The following DENND1B variants were observed in gnomAD, a reference collection of about 807,000 sequenced individuals.
The protein encoded by DENND1B is DENN domain-containing protein 1B.
Under a neutral mutation model 90.1 loss-of-function variants are expected in DENND1B, and 59 were observed. That is an observed-to-expected ratio of 0.65 (90% confidence interval 0.53 to 0.81). DENND1B has a LOEUF of 0.81. DENND1B is among the 40% of genes least tolerant of loss of function. DENND1B has a pLI of 0.00. For synonymous variants in DENND1B, 337 were observed against 324.6 expected (o/e 1.04, Z -0.41); for missense variants, 862 against 912.6 (o/e 0.94, Z 0.71).
chr1:197,665,842 G>GA (rs925756774), intron 5 of DENND1B, among the ~76,000 whole-genome samples: 6 of 151,826 alleles, frequency 4.0e-5, no homozygotes, highest in Non-Finnish European at 5.9e-5. Flanking sequence ...TATCACAATA[G>GA]AAAAAAATTA....
At chr1:197,670,021 T>G (rs1445047070) in intron 5 of DENND1B, among the ~76,000 whole-genome samples, 1 of 152,138 alleles carries the variant, frequency 6.6e-6, no homozygotes, top group Non-Finnish European at 1.5e-5. Context: ...AATTTGATTA[T>G]TGTATTTGCT....
chr1:197,771,808 A>C (rs4915561), intron 2 of DENND1B, among the ~76,000 whole-genome samples: 63,552 of 152,062 alleles, frequency 0.42, 15,433 homozygotes, highest in East Asian at 0.66. Flanking sequence ...CAGCAAGTAA[A>C]GACATATACT....
intron 15 of DENND1B, among the ~76,000 whole-genome samples, chr1:197,554,525 A>G (rs1162946404): frequency 2.0e-5 from 3 of 152,032 alleles, no homozygotes; most frequent in Non-Finnish European, 4.4e-5. Flanking sequence ...GGACAATACA[A>G]TATTCCTCAG....
chr1:197,566,332 G>C (rs1004322994), intron 15 of DENND1B, among the ~76,000 whole-genome samples: 2 of 151,876 alleles, frequency 1.3e-5, no homozygotes, highest in African/African-American at 4.8e-5. Context: ...CTTTTTGATG[G>C]GGTTGTTTGT....
At chr1:197,565,733 T>C (rs1313115838) in intron 15 of DENND1B, among the ~76,000 whole-genome samples, 3 of 149,582 alleles carry the variant, frequency 2.0e-5, no homozygotes, top group Non-Finnish European at 4.4e-5. Context: ...AGTGAGAATA[T>C]GCAGTGTTTG....
chr1:197,754,696 A>G (rs551348454), intron 2 of DENND1B, among the ~76,000 whole-genome samples: 39 of 147,158 alleles, frequency 2.7e-4, no homozygotes, highest in African/African-American at 9.8e-4. Flanking sequence ...AAACTGATAC[A>G]GTAAATCTAT....
At chr1:197,714,278 A>T (rs1660405665) in intron 3 of DENND1B, among the ~76,000 whole-genome samples, 1 of 152,006 alleles carries the variant, frequency 6.6e-6, no homozygotes, top group African/African-American at 2.4e-5. Flanking sequence ...CAGCCTTATC[A>T]ATTTTTAAAA....
Position 197,758,294 on chromosome 1 carries a change from A to G in DENND1B, c.82+14574T>C, listed in dbSNP as rs192882661. ...ACACTTCTGCAATATTAAAGAGGGG[A>G]CTTGGAAGTTACTATGTGACCTTTC... On this transcript the variant is annotated intron_variant, in intron 2 of 22. Coordinates refer to ENST00000620048, the MANE Select transcript of DENND1B (RefSeq NM_001195215.2). Among the ~76,000 whole-genome samples, 391 of 152,290 alleles carry G rather than the reference A, an allele frequency of 2.6e-3. 3 individuals carry two copies. Among genetic ancestry groups the G allele is most frequent in the African/African-American group, 8.8e-3 (367 of 41,564 alleles).
chr1:197,750,870 T>C (rs1321908445), intron 2 of DENND1B, among the ~76,000 whole-genome samples: 2 of 152,106 alleles, frequency 1.3e-5, no homozygotes, highest in Non-Finnish European at 2.9e-5. Flanking sequence ...TATGTTAAAA[T>C]GGTTAGTTCA....
At chr1:197,730,735 A>C (rs1446249141) in intron 2 of DENND1B, among the ~76,000 whole-genome samples, 1 of 152,060 alleles carries the variant, frequency 6.6e-6, no homozygotes, top group Non-Finnish European at 1.5e-5. Context: ...AATTAATCCT[A>C]ATTTTGCAGA....
intron 3 of DENND1B, among the ~76,000 whole-genome samples, chr1:197,713,354 A>C: frequency 1.4e-5 from 1 of 73,678 alleles, no homozygotes; most frequent in South Asian, 7.3e-4. Context: ...ACAATGATAG[A>C]CTGGATTAAG....
In DENND1B at chr1:197,620,703, C is replaced by G. The variant is rs572986862; in HGVS notation, c.673-2944G>C. Among the ~76,000 whole-genome samples the G allele has an allele frequency of 1.2e-3, 180 of 151,228 alleles. No homozygotes were observed. In the Middle Eastern group the frequency reaches 0.014, roughly 11 times the overall value. The stretch of plus-strand genomic sequence containing the variant: ...TGAAAATATTATAATAATTTTTTTG[C>G]TTAATTCAACAAAAATTTTGAGTGC... On this transcript the variant is annotated intron_variant, in intron 10 of 22. Transcript: ENST00000620048.
At chr1:197,632,298 C>T (rs1679394636) in intron 10 of DENND1B, among the ~76,000 whole-genome samples, 1 of 152,168 alleles carries the variant, frequency 6.6e-6, no homozygotes, top group Non-Finnish European at 1.5e-5. Flanking sequence ...AATCTGGCCA[C>T]TGTTTATATC....
In DENND1B at chr1:197,775,246, G is replaced by A. The variant is rs1571715050; in HGVS notation, c.-91C>T. On this transcript the variant is annotated 5_prime_UTR_variant, in exon 1 of 23. Coordinates refer to ENST00000620048, the MANE Select transcript of DENND1B (RefSeq NM_001195215.2). ...GCCGCGCGAGGGTCGCGCCGTCCCC[G>A]CCCACGCCGGCGGCCACACAGGGAA... 1.9e-6 allele frequency: 2 copies of A among 1,049,460 alleles called. No individual in the cohort carries two copies. The highest frequency in any genetic ancestry group is 3.6e-4 in the Middle Eastern group (1 of 2,788). The allele number at this position is 1,049,460 out of a possible 1,614,324, so 65.0% of individuals were successfully genotyped here.
At chr1:197,751,180 G>A (rs200214699) in intron 2 of DENND1B, among the ~76,000 whole-genome samples, 200 of 152,224 alleles carry the variant, frequency 1.3e-3, no homozygotes, top group Middle Eastern at 3.4e-3. Flanking sequence ...AGACCACCTC[G>A]TGGGCCATAA....
chr1:197,757,706 A>G (rs186698545), intron 2 of DENND1B, among the ~76,000 whole-genome samples: 1 of 152,332 alleles, frequency 6.6e-6, no homozygotes, highest in Admixed American at 6.5e-5. Flanking sequence ...ACTTAAATTC[A>G]GCATTCACTC....
chr1:197,734,488 A>G, intron 2 of DENND1B: 1 of 977,158 alleles, frequency 1.0e-6, no homozygotes, highest in Non-Finnish European at 1.2e-6. Flanking sequence ...GATTACAACC[A>G]CATTTAATAA....
chr1:197,682,526 C>T (rs1375059333), intron 3 of DENND1B, among the ~76,000 whole-genome samples: 5 of 151,970 alleles, frequency 3.3e-5, no homozygotes, highest in African/African-American at 7.3e-5. Flanking sequence ...GAATAGCAAT[C>T]GCGGCTAATA....
intron 7 of DENND1B, among the ~76,000 whole-genome samples, chr1:197,651,645 C>CCTT (rs1653192714): frequency 1.6e-5 from 1 of 61,522 alleles, no homozygotes; most frequent in Non-Finnish European, 2.9e-5. Context: ...ATCAATGCTT[C>CCTT]TTTTTTTTTT....
Sources: allele counts gnomAD v4.1 joint callset (sites outside exome capture counted in the v4.1 genomes callset), GRCh38; gene constraint gnomAD v4.1.1; transcripts MANE v1.5; gene names NCBI Gene and HGNC (gene_info 2026-07-23, HGNC 2026-07-21).